THSD4: variants seen among roughly 807,000 people sequenced by gnomAD.
The protein encoded by THSD4 is thrombospondin type 1 domain containing 4, also known as thrombospondin type-1 domain-containing protein 4.
THSD4 carries 69 observed loss-of-function variants against 119.0 expected under a neutral mutation model. The observed-to-expected ratio is 0.58, with a 90% confidence interval of 0.48 to 0.71. The LOEUF (loss-of-function observed/expected upper bound fraction) is 0.71. THSD4 is among the 30% of genes least tolerant of loss of function. THSD4 has a pLI of 0.00. For missense variants in THSD4, 1,393 were observed against 1,391.1 expected (o/e 1.00, Z -0.02); for synonymous variants, 524 against 540.4 (o/e 0.97, Z 0.42).
chr15:71,201,248 A>G (rs1306606636), intron 3 of THSD4, among the ~76,000 whole-genome samples: 4 of 152,154 alleles, frequency 2.6e-5, no homozygotes, highest in South Asian at 2.1e-4. Flanking sequence ...TCATAATGGT[A>G]CTTCTGCTCA....
chr15:71,356,439 A>C (rs535351168), intron 6 of THSD4, among the ~76,000 whole-genome samples: 8 of 152,138 alleles, frequency 5.3e-5, no homozygotes, highest in African/African-American at 1.9e-4. Flanking sequence ...AGTGGAATGG[A>C]AGCTCTTTGA....
chr15:71,340,823 C>T (rs780665692), intron 6 of THSD4, among the ~76,000 whole-genome samples: 3 of 152,064 alleles, frequency 2.0e-5, no homozygotes, highest in Non-Finnish European at 2.9e-5. Context: ...TAGTCTTGAA[C>T]TCTTGAGCTC....
intron 6 of THSD4, among the ~76,000 whole-genome samples, chr15:71,328,066 C>T (rs547971308): frequency 2.0e-5 from 3 of 152,322 alleles, no homozygotes; most frequent in Non-Finnish European, 4.4e-5. Context: ...TTTCTCAAAC[C>T]TTGGCTCAGA....
chr15:71,691,662 A>G (rs928369721), intron 8 of THSD4, among the ~76,000 whole-genome samples: 1 of 152,140 alleles, frequency 6.6e-6, no homozygotes, highest in Non-Finnish European at 1.5e-5. Context: ...CTCTCAACAC[A>G]TGGTCTCTTT....
chr15:71,735,876 GTCTCTGTC>G (rs1362926309), intron 10 of THSD4, among the ~76,000 whole-genome samples: 110 of 108,134 alleles, frequency 1.0e-3, no homozygotes, highest in African/African-American at 3.5e-3. Context: ...GTTGCTTTCT[GTCTCTGTC>G]TCTCTGTCTC....
intron 6 of THSD4, among the ~76,000 whole-genome samples, chr15:71,267,596 AGATTCACACAT>A (rs1244251278): frequency 6.6e-6 from 1 of 152,186 alleles, no homozygotes; most frequent in Admixed American, 6.5e-5. Context: ...TGACAGGGTC[AGATTCACACAT>A]AACAATATTA....
chr15:71,540,281 G>A (rs2140836084), intron 7 of THSD4, among the ~76,000 whole-genome samples: 1 of 151,000 alleles, frequency 6.6e-6, no homozygotes, highest in African/African-American at 2.4e-5. Flanking sequence ...GGGATTATAG[G>A]CATGCACCAC....
chr15:71,215,127 C>T lies in THSD4; in HGVS notation c.192C>T (p.Ala64=). 1 of 1,366,916 alleles carries T rather than the reference C, an allele frequency of 7.3e-7. No individual in the cohort carries two copies. The highest frequency in any genetic ancestry group is 1.7e-5 in the South Asian group (1 of 57,752). The allele number at this position is 1,366,916 out of a possible 1,614,324, so 84.7% of individuals were successfully genotyped here. A position where few individuals can be genotyped will look rare whatever the true frequency, so the allele number is the denominator to read the frequency against. The change falls in exon 4 of 18, where the codon GCC becomes GCT. Residue 64 remains alanine (A), a synonymous_variant. Transcript: ENST00000261862. ...GVWGAWGPWS[A]CSRSCSGGVM... ...GGGGCGCCTGGGGCCCCTGGTCGGC[C>T]TGCTCGCGTAGCTGCAGCGGCGGCG...
At chr15:71,760,124 C>T (rs936071484) in intron 15 of THSD4, among the ~76,000 whole-genome samples, 5 of 152,180 alleles carry the variant, frequency 3.3e-5, no homozygotes, top group Admixed American at 1.3e-4. Flanking sequence ...GTTGGTATTT[C>T]GAATACCCCA....
intron 6 of THSD4, among the ~76,000 whole-genome samples, chr15:71,328,389 G>T (rs965940342): frequency 1.3e-5 from 2 of 152,178 alleles, no homozygotes; most frequent in African/African-American, 2.4e-5. Context: ...TGGTGGCTTT[G>T]CCCTCCCTTT....
intron 7 of THSD4, among the ~76,000 whole-genome samples, chr15:71,538,749 G>A (rs1399425572): frequency 1.3e-5 from 2 of 152,186 alleles, no homozygotes; most frequent in Non-Finnish European, 2.9e-5. Context: ...CCATAGTTGA[G>A]AACCTCTGCC....
intron 6 of THSD4, among the ~76,000 whole-genome samples, chr15:71,299,542 G>A (rs1310897782): frequency 3.3e-5 from 5 of 152,206 alleles, no homozygotes; most frequent in Admixed American, 3.3e-4. Flanking sequence ...GCAGAGAGTA[G>A]AATGGTGGCT....
At chr15:71,656,896 T>C (rs2051202124) in intron 7 of THSD4, among the ~76,000 whole-genome samples, 1 of 152,148 alleles carries the variant, frequency 6.6e-6, no homozygotes, top group Admixed American at 6.5e-5. Context: ...ATGTTAGACA[T>C]GATAATGTTG....
At chr15:71,410,042 C>T (rs1178696928) in intron 6 of THSD4, among the ~76,000 whole-genome samples, 1 of 152,074 alleles carries the variant, frequency 6.6e-6, no homozygotes, top group African/African-American at 2.4e-5. Context: ...ATTAATTTAG[C>T]ATTTACTGAG....
chr15:71,328,815 C>T (rs568203137), intron 6 of THSD4, among the ~76,000 whole-genome samples: 1 of 152,238 alleles, frequency 6.6e-6, no homozygotes, highest in South Asian at 2.1e-4. Flanking sequence ...TGCAGATGTC[C>T]CATCTAATTT....
chr15:71,392,630 G>A (rs1320024452), intron 6 of THSD4, among the ~76,000 whole-genome samples: 1 of 152,148 alleles, frequency 6.6e-6, no homozygotes, highest in Non-Finnish European at 1.5e-5. Context: ...AGGTTCTAAT[G>A]AACCCTGAGG....
chr15:71,214,513 G>C (rs112584646), intron 3 of THSD4, among the ~76,000 whole-genome samples: 3 of 152,228 alleles, frequency 2.0e-5, no homozygotes, highest in African/African-American at 7.2e-5. Flanking sequence ...TCACTGTGAA[G>C]GTCCGCAGCT....
intron 6 of THSD4, among the ~76,000 whole-genome samples, chr15:71,330,062 A>G (rs1476613217): frequency 9.2e-5 from 14 of 151,666 alleles, no homozygotes; most frequent in South Asian, 2.1e-4. Context: ...AAACTGGGCC[A>G]CAGAGCAAGA....
chr15:71,557,891 A>C (rs1032205469), intron 7 of THSD4, among the ~76,000 whole-genome samples: 2 of 152,054 alleles, frequency 1.3e-5, no homozygotes, highest in Non-Finnish European at 2.9e-5. Flanking sequence ...GAATACTGTA[A>C]ATTTTACTAA....
Sources: gnomAD v4.1 joint callset for allele counts (sites outside exome capture counted in the v4.1 genomes callset) on GRCh38, gnomAD v4.1.1 for gene constraint, MANE v1.5 for transcripts, NCBI Gene and HGNC (gene_info 2026-07-23, HGNC 2026-07-21) for gene names.